NCAM2: variants seen among roughly 807,000 people sequenced by gnomAD.
NCAM2 encodes N-CAM-2.
A neutral mutation model predicts 98.1 loss-of-function variants in NCAM2; 30 were observed. That is an observed-to-expected ratio of 0.31 (90% confidence interval 0.23 to 0.41). The LOEUF is 0.41. Ranked by LOEUF, NCAM2 falls within the 10% of genes least tolerant of loss-of-function variation. The pLI, the probability that NCAM2 is intolerant of heterozygous loss-of-function variation, is 1.00. For missense variants in NCAM2, 867 were observed against 1,005.8 expected (o/e 0.86, Z 1.87); for synonymous variants, 368 against 342.4 (o/e 1.07, Z -0.83).
At chr21:21,221,022 G>GTAA (rs57342973) in intron 1 of NCAM2, among the ~76,000 whole-genome samples, 4,997 of 152,194 alleles carry the variant, frequency 0.033, 287 homozygotes, top group African/African-American at 0.12. Flanking sequence ...TCATGTTTCA[G>GTAA]TAATTCTTAC....
chr21:21,149,348 A>C (rs2067377909), intron 1 of NCAM2, among the ~76,000 whole-genome samples: 1 of 152,094 alleles, frequency 6.6e-6, no homozygotes. Context: ...AAGGTCATGG[A>C]ATATTTCTCA....
chr21:21,098,138 A>G (rs2066162514), intron 1 of NCAM2, among the ~76,000 whole-genome samples: 1 of 150,868 alleles, frequency 6.6e-6, no homozygotes. Context: ...GAAGGTACAC[A>G]TATTATATAG....
chr21:21,120,338 A>AT (rs1159710112), intron 1 of NCAM2, among the ~76,000 whole-genome samples: 5 of 152,218 alleles, frequency 3.3e-5, no homozygotes, highest in African/African-American at 4.8e-5. Flanking sequence ...GGCAGTTGTT[A>AT]TATCATGACT....
chr21:21,364,177 G>A (rs532552287), intron 8 of NCAM2, among the ~76,000 whole-genome samples: 1 of 152,056 alleles, frequency 6.6e-6, no homozygotes, highest in South Asian at 2.1e-4. Context: ...TGATGAAATT[G>A]CGGTTTTCAG....
chr21:21,079,010 G>C (rs940971848), intron 1 of NCAM2, among the ~76,000 whole-genome samples: 2 of 152,066 alleles, frequency 1.3e-5, no homozygotes, highest in Non-Finnish European at 2.9e-5. Flanking sequence ...ACAGAGAGGG[G>C]AAGAACACAC....
intron 5 of NCAM2, among the ~76,000 whole-genome samples, chr21:21,298,340 G>C (rs906085750): frequency 1.3e-5 from 2 of 150,488 alleles, no homozygotes; most frequent in Non-Finnish European, 3.0e-5. Context: ...AAATTATGAG[G>C]GAATTTGTAG....
chr21:21,371,390 T>G (rs181098624), intron 8 of NCAM2, among the ~76,000 whole-genome samples: 1 of 151,926 alleles, frequency 6.6e-6, no homozygotes, highest in Non-Finnish European at 1.5e-5. Flanking sequence ...ATAATGCCAT[T>G]AGGAATGAGG....
chr21:21,350,185 A>G (rs989520954), intron 8 of NCAM2, among the ~76,000 whole-genome samples: 2 of 152,144 alleles, frequency 1.3e-5, no homozygotes, highest in Non-Finnish European at 2.9e-5. Context: ...CCACAAATAC[A>G]TACACCTACT....
At chr21:21,144,835 C>T (rs1476762471) in intron 1 of NCAM2, among the ~76,000 whole-genome samples, 3 of 151,972 alleles carry the variant, frequency 2.0e-5, no homozygotes, top group Non-Finnish European at 4.4e-5. Context: ...TAATGAAATG[C>T]TTAAGAAATG....
chr21:21,180,148 G>A lies in NCAM2; in HGVS notation c.56-100430G>A, dbSNP rs184744514. 2.3e-3 allele frequency among the ~76,000 whole-genome samples: 345 copies of A among 152,162 alleles called. 1 individual carries two copies. Among genetic ancestry groups the A allele is most frequent in the Non-Finnish European group, 2.9e-3 (198 of 68,002 alleles). On this transcript the variant is annotated intron_variant, in intron 1 of 17. Transcript: ENST00000400546. ...GACTGATGGCTACCATCCAACAAAGGACGTTCCAATGGGTGCTGAAAAGCT... is the reference window on the plus strand; with the variant it reads ...GACTGATGGCTACCATCCAACAAAGAACGTTCCAATGGGTGCTGAAAAGCT...
At chr21:21,426,745 G>T (rs949470314) in intron 11 of NCAM2, among the ~76,000 whole-genome samples, 1 of 152,050 alleles carries the variant, frequency 6.6e-6, no homozygotes, top group Non-Finnish European at 1.5e-5. Flanking sequence ...AGAAAAGTGG[G>T]ACTGACATTC....
chr21:21,165,273 T>C (rs1416830215), intron 1 of NCAM2, among the ~76,000 whole-genome samples: 3 of 152,198 alleles, frequency 2.0e-5, no homozygotes, highest in Admixed American at 1.3e-4. Context: ...TGCAAAGTGC[T>C]GTCCACTAGA....
At chr21:21,053,090 G>T (rs552933530) in intron 1 of NCAM2, among the ~76,000 whole-genome samples, 2 of 151,780 alleles carry the variant, frequency 1.3e-5, no homozygotes, top group African/African-American at 4.8e-5. Context: ...TTAATTGCTG[G>T]TATTTCATTG....
intron 1 of NCAM2, among the ~76,000 whole-genome samples, chr21:21,146,099 T>C (rs1044820264): frequency 6.6e-6 from 1 of 152,178 alleles, no homozygotes; most frequent in Admixed American, 6.5e-5. Context: ...ATTTAATAAT[T>C]TCTATCACAA....
At chr21:21,473,269 A>G (rs1984688812) in intron 14 of NCAM2, among the ~76,000 whole-genome samples, 2 of 147,662 alleles carry the variant, frequency 1.4e-5, no homozygotes, top group South Asian at 4.3e-4. Flanking sequence ...CCATTTGTAA[A>G]CTCTTCTTGA....
chr21:21,396,904 C>A (rs373961578), intron 9 of NCAM2, among the ~76,000 whole-genome samples: 1 of 152,144 alleles, frequency 6.6e-6, no homozygotes, highest in Non-Finnish European at 1.5e-5. Flanking sequence ...TTGCCTGCAA[C>A]GTGGCAAGTA....
At chr21:21,325,328 A>C (rs1034527994) in intron 6 of NCAM2, among the ~76,000 whole-genome samples, 7 of 152,204 alleles carry the variant, frequency 4.6e-5, no homozygotes, top group Admixed American at 1.3e-4. Flanking sequence ...TTGTTGTTTT[A>C]AAAGTTCTTT....
intron 1 of NCAM2, among the ~76,000 whole-genome samples, chr21:21,260,066 T>A (rs1461626329): frequency 1.3e-5 from 2 of 151,360 alleles, no homozygotes; most frequent in African/African-American, 4.9e-5. Flanking sequence ...AGTGGAATTA[T>A]GAGCAATAGA....
rs549501640 is a variant in NCAM2, at chr21:21,477,232, A to T, written c.1897-59A>T. The T allele has an allele frequency of 5.1e-4, 670 of 1,318,748 alleles. 1 individual carries two copies. The highest frequency in any genetic ancestry group is 6.5e-4 in the Non-Finnish European group (636 of 978,930). 81.7% of individuals were successfully genotyped at this position (1,318,748 alleles called of 1,614,324 possible). A position where few individuals can be genotyped will look rare whatever the true frequency, so the allele number is the denominator to read the frequency against. On this transcript the variant is annotated intron_variant, in intron 14 of 17. Coordinates refer to ENST00000400546, the MANE Select transcript of NCAM2 (RefSeq NM_004540.5). ...GTTCCAATTCCAATATAATTTTTTTAAAAAGGTGTCACTTTAGTGTATGGA... is the reference window on the plus strand; with the variant it reads ...GTTCCAATTCCAATATAATTTTTTTTAAAAGGTGTCACTTTAGTGTATGGA...
Sources: gnomAD v4.1 joint callset for allele counts (sites outside exome capture counted in the v4.1 genomes callset) on GRCh38, gnomAD v4.1.1 for gene constraint, MANE v1.5 for transcripts, NCBI Gene and HGNC (gene_info 2026-07-23, HGNC 2026-07-21) for gene names.